Variants in COPS7B observed in about 807,000 individuals in gnomAD.
The protein encoded by COPS7B is COP9 signalosome complex subunit 7b.
A neutral mutation model predicts 33.4 loss-of-function variants in COPS7B; 9 were observed. The ratio of observed to expected loss-of-function variants is 0.27; its 90% CI spans 0.16 to 0.47. COPS7B has a LOEUF of 0.47. COPS7B is among the 20% of genes least tolerant of loss of function. The probability of loss-of-function intolerance (pLI) is 0.99; values close to 1 mark genes in which losing one functional copy is unlikely to be tolerated. For synonymous variants in COPS7B, 119 were observed against 126.3 expected (o/e 0.94, Z 0.39); for missense variants, 242 against 318.2 (o/e 0.76, Z 1.82).
rs115706126 is a variant in COPS7B, at chr2:231,800,909, A to G, written c.636+1945A>G. 8.2e-3 allele frequency among the ~76,000 whole-genome samples: 1,243 copies of G among 152,304 alleles called. 15 individuals are homozygous for G. Among genetic ancestry groups the G allele is most frequent in the African/African-American group, 0.028 (1,181 of 41,572 alleles). ...GACCTTGTCATTTTTTCCATTTAGCAAATGCATGATCTGGCTGCTAAGTGT... is the reference window on the plus strand; with the variant it reads ...GACCTTGTCATTTTTTCCATTTAGCGAATGCATGATCTGGCTGCTAAGTGT... On this transcript the variant is annotated intron_variant, in intron 6 of 6. Transcript: ENST00000350033.
At chr2:231,803,507 C>G (rs769057221) in intron 6 of COPS7B, among the ~76,000 whole-genome samples, 8 of 152,088 alleles carry the variant, frequency 5.3e-5, no homozygotes, top group Non-Finnish European at 8.8e-5. Context: ...TACTGAGCCC[C>G]TAAAAAAGCT....
At chr2:231,804,992 A>G (rs191689948) in intron 6 of COPS7B, among the ~76,000 whole-genome samples, 182 of 152,310 alleles carry the variant, frequency 1.2e-3, no homozygotes, top group African/African-American at 4.2e-3. Flanking sequence ...TTTATAAAGC[A>G]GTGTTCCCTG....
At chr2:231,803,290 C>A (rs2049799406) in intron 6 of COPS7B, among the ~76,000 whole-genome samples, 1 of 152,018 alleles carries the variant, frequency 6.6e-6, no homozygotes, top group African/African-American at 2.4e-5. Flanking sequence ...GCGGTAACCC[C>A]CGGGGTGCAT....
At chr2:231,803,514 A>G (rs1005007252) in intron 6 of COPS7B, among the ~76,000 whole-genome samples, 4 of 152,200 alleles carry the variant, frequency 2.6e-5, no homozygotes, top group African/African-American at 9.7e-5. Context: ...CCCCTAAAAA[A>G]GCTGAATGAG....
Position 231,807,551 on chromosome 2 carries a change from A to G in COPS7B, c.701A>G (p.Gln234Arg), listed in dbSNP as rs1298808217. 1.4e-5 allele frequency: 23 copies of G among 1,613,116 alleles called. No homozygotes were observed. Among genetic ancestry groups the G allele is most frequent in the Non-Finnish European group, 1.9e-5 (22 of 1,179,646 alleles). ...ASSSAQEMEQ[Q>R]LAERECPPHA... ...TCCTCGGCTCAGGAGATGGAGCAGC[A>G]GCTGGCTGAACGGGAGTGTCCCCCT... Residue 234 changes from glutamine to arginine, a missense_variant, in exon 7 of 7, where the codon CAG becomes CGG. By Grantham distance (43) the Gln-to-Arg change is conservative. Transcript: ENST00000350033.
chr2:231,795,670 G>GT, intron 4 of COPS7B, among the ~76,000 whole-genome samples: 2 of 152,090 alleles, frequency 1.3e-5, no homozygotes, highest in African/African-American at 4.8e-5. Context: ...TGGCCTGCAA[G>GT]TTTTTTTTGT....
At chr2:231,789,121 T>C (rs1305256828) in intron 2 of COPS7B, 1 of 183,108 alleles carries the variant, frequency 5.5e-6, no homozygotes, top group African/African-American at 2.4e-5. Context: ...AGAAACATAC[T>C]GCTATTGAAC....
At chr2:231,802,508 A>T in intron 6 of COPS7B, among the ~76,000 whole-genome samples, 1 of 152,186 alleles carries the variant, frequency 6.6e-6, no homozygotes, top group East Asian at 1.9e-4. Context: ...TTACTTGAAA[A>T]TTTCTGAGGT....
chr2:231,788,913 T>G, intron 2 of COPS7B, 181 bp downstream of exon 2: 1 of 534,182 alleles, frequency 1.9e-6, no homozygotes, highest in South Asian at 3.0e-5. Context: ...TATCCAGTAT[T>G]TTTATCTTAC....
In COPS7B at chr2:231,808,798, G is replaced by GGTGGGT. The variant is rs2049970508; in HGVS notation, c.*1156_*1157insGGTGTG. Reference sequence around the variant, plus strand: ...TGGTTGGAGGGTGGGGGTGGGGTGGGGTGTGTGTGTGTGTGTGTGTGTGTG... The same window carrying GGTGGGT: ...TGGTTGGAGGGTGGGGGTGGGGTGGGGTGGGTGTGTGTGTGTGTGTGTGTGTGTGTG... On this transcript the variant is annotated 3_prime_UTR_variant, in exon 7 of 7. Coordinates refer to ENST00000350033, the MANE Select transcript of COPS7B (RefSeq NM_022730.4). 1.3e-5 allele frequency: 1 copy of GGTGGGT among 75,802 alleles called. No homozygotes were observed. The highest frequency in any genetic ancestry group is 6.0e-5 in the African/African-American group (1 of 16,754). 4.7% of individuals were successfully genotyped at this position (75,802 alleles called of 1,614,324 possible). A position where few individuals can be genotyped will look rare whatever the true frequency, so the allele number is the denominator to read the frequency against.
At chr2:231,803,449 A>G (rs1238629463) in intron 6 of COPS7B, among the ~76,000 whole-genome samples, 1 of 152,124 alleles carries the variant, frequency 6.6e-6, no homozygotes, top group Non-Finnish European at 1.5e-5. Flanking sequence ...GAAAAAACCA[A>G]GTTTTTCCCT....
chr2:231,807,680 G>C lies in COPS7B; in HGVS notation c.*35G>C. 6 of 1,529,830 alleles carry C rather than the reference G, an allele frequency of 3.9e-6. No homozygotes were observed. The highest frequency in any genetic ancestry group is 5.3e-6 in the Non-Finnish European group (6 of 1,137,532). The allele number at this position is 1,529,830 out of a possible 1,614,324, so 94.8% of individuals were successfully genotyped here. A position where few individuals can be genotyped will look rare whatever the true frequency, so the allele number is the denominator to read the frequency against. On this transcript the variant is annotated 3_prime_UTR_variant, in exon 7 of 7. Transcript: ENST00000350033. Reference sequence around the variant, plus strand: ...GGGCAGCTGGCACTCACCAGGCCTGGGTCAGGTGGGGAGGGGACACCAAGG... The same window carrying C: ...GGGCAGCTGGCACTCACCAGGCCTGCGTCAGGTGGGGAGGGGACACCAAGG...
intron 6 of COPS7B, among the ~76,000 whole-genome samples, chr2:231,800,545 G>A (rs1343183445): frequency 6.6e-6 from 1 of 152,198 alleles, no homozygotes; most frequent in Non-Finnish European, 1.5e-5. Context: ...AACTGTTCAA[G>A]TTTATTTTCA....
Position 231,808,586 on chromosome 2 carries a change from C to T in COPS7B, c.*941C>T, listed in dbSNP as rs758959921. The T allele has an allele frequency of 2.1e-6, 1 of 468,118 alleles. No homozygotes were observed. Among genetic ancestry groups the T allele is most frequent in the Non-Finnish European group, 4.4e-6 (1 of 225,862 alleles). 29.0% of individuals were successfully genotyped at this position (468,118 alleles called of 1,614,324 possible). ...CCCCTCCTTGGCTGATGACCCAGAG[C>T]CCTCTGATGATGGCATTCTCCTGGC... On this transcript the variant is annotated 3_prime_UTR_variant, in exon 7 of 7. Coordinates refer to ENST00000350033, the MANE Select transcript of COPS7B (RefSeq NM_022730.4).
intron 3 of COPS7B, among the ~76,000 whole-genome samples, chr2:231,793,057 CCTGTA>C (rs750155849): frequency 2.7e-4 from 41 of 152,180 alleles, no homozygotes; most frequent in Non-Finnish European, 5.0e-4. Context: ...TAGCAGACTG[CCTGTA>C]GCCAGTCTGG....
chr2:231,807,421 A>T lies in COPS7B; in HGVS notation c.637-66A>T. The stretch of plus-strand genomic sequence containing the variant: ...TTAGCTTCCTGTCTGAAGTGAAGAC[A>T]TAGTGAGAGCAAGTTTTGGTGAGCA... On this transcript the variant is annotated intron_variant, in intron 6 of 6. Transcript: ENST00000350033. The T allele has an allele frequency of 2.7e-6, 4 of 1,455,646 alleles. No homozygotes were observed. In the South Asian group the frequency reaches 4.0e-5, roughly 15 times the overall value. 90.2% of individuals were successfully genotyped at this position (1,455,646 alleles called of 1,614,324 possible). A position where few individuals can be genotyped will look rare whatever the true frequency, so the allele number is the denominator to read the frequency against.
At chr2:231,805,940 T>C (rs1202091895) in intron 6 of COPS7B, among the ~76,000 whole-genome samples, 1 of 152,094 alleles carries the variant, frequency 6.6e-6, no homozygotes, top group Non-Finnish European at 1.5e-5. Context: ...TGAGCCACCA[T>C]GCCCAGCCTG....
At chr2:231,803,504 C>T (rs1278212879) in intron 6 of COPS7B, among the ~76,000 whole-genome samples, 1 of 152,022 alleles carries the variant, frequency 6.6e-6, no homozygotes, top group Non-Finnish European at 1.5e-5. Flanking sequence ...GGTTACTGAG[C>T]CCCTAAAAAA....
intron 6 of COPS7B, among the ~76,000 whole-genome samples, chr2:231,803,043 G>A (rs2049792383): frequency 6.6e-6 from 1 of 152,228 alleles, no homozygotes; most frequent in African/African-American, 2.4e-5. Context: ...GCCTCAAAGT[G>A]GTAACGACTG....
Sources: allele counts gnomAD v4.1 joint callset (sites outside exome capture counted in the v4.1 genomes callset), GRCh38; gene constraint gnomAD v4.1.1; transcripts MANE v1.5; gene names NCBI Gene and HGNC (gene_info 2026-07-23, HGNC 2026-07-21).